The following UNC5D variants were observed in gnomAD, a reference collection of about 807,000 sequenced individuals.
The protein encoded by UNC5D is netrin receptor UNC5D.
A neutral mutation model predicts 105.4 loss-of-function variants in UNC5D; 39 were observed. The observed-to-expected ratio is 0.37, with a 90% CI of 0.29 to 0.48. The LOEUF (loss-of-function observed/expected upper bound fraction) is 0.48, where lower values mean the gene tolerates loss of function less well. Among genes scored for constraint, UNC5D ranks in the 20% least tolerant of loss-of-function variants. The probability of loss-of-function intolerance (pLI) is 0.98; values close to 1 mark genes in which losing one functional copy is unlikely to be tolerated. For synonymous variants in UNC5D, 452 were observed against 450.4 expected, an observed-to-expected ratio of 1.00 and a Z score of -0.04; for missense variants, 991 against 1,202.4, an observed-to-expected ratio of 0.82 and a Z score of 2.60.
At chr8:35,236,151 C>T (rs938054211) in intron 1 of UNC5D, among the ~76,000 whole-genome samples, 1 of 152,188 alleles carries the variant, frequency 6.6e-6, no homozygotes, top group African/African-American at 2.4e-5. Context: ...CTCCATTTTC[C>T]AAGCCCTCCC....
intron 1 of UNC5D, among the ~76,000 whole-genome samples, chr8:35,307,505 C>G (rs573395194): frequency 1.4e-4 from 22 of 152,200 alleles, no homozygotes; most frequent in African/African-American, 4.1e-4. Flanking sequence ...ACTAATGGGA[C>G]AGTGAGAAGA....
intron 1 of UNC5D, among the ~76,000 whole-genome samples, chr8:35,359,237 G>A (rs16883866): frequency 0.064 from 9,748 of 152,272 alleles, 617 homozygotes; most frequent in East Asian, 0.35. Context: ...ATTTTGCTGT[G>A]TGTTCTTGTT....
intron 2 of UNC5D, among the ~76,000 whole-genome samples, chr8:35,551,766 C>T (rs952353527): frequency 6.6e-6 from 1 of 150,750 alleles, no homozygotes; most frequent in Non-Finnish European, 1.5e-5. Context: ...TGCAGTGAGC[C>T]AAGATCATGC....
At chr8:35,539,905 G>T (rs1815145427) in intron 1 of UNC5D, among the ~76,000 whole-genome samples, 1 of 152,070 alleles carries the variant, frequency 6.6e-6, no homozygotes, top group African/African-American at 2.4e-5. Flanking sequence ...GAAAATACTT[G>T]CTGTATTAGT....
At chr8:35,556,323 G>T (rs891099202) in intron 2 of UNC5D, among the ~76,000 whole-genome samples, 2 of 152,066 alleles carry the variant, frequency 1.3e-5, no homozygotes, top group Non-Finnish European at 2.9e-5. Context: ...GTAAATATTT[G>T]CCCTTTCTAG....
intron 9 of UNC5D, 68 bp from the exon 10 acceptor site, chr8:35,726,084 G>A: frequency 6.5e-7 from 1 of 1,534,258 alleles, no homozygotes; most frequent in South Asian, 1.3e-5. Context: ...AGTTTGCAGA[G>A]GCAGAAGTAC....
At chr8:35,567,374 G>A (rs566207347) in intron 2 of UNC5D, among the ~76,000 whole-genome samples, 1 of 152,104 alleles carries the variant, frequency 6.6e-6, no homozygotes, top group Non-Finnish European at 1.5e-5. Context: ...ATCACATGTG[G>A]CTGGGCACGG....
intron 1 of UNC5D, among the ~76,000 whole-genome samples, chr8:35,252,724 C>T (rs370484784): frequency 3.3e-5 from 5 of 152,120 alleles, no homozygotes; most frequent in East Asian, 3.9e-4. Context: ...TAGGAACATT[C>T]GTGTATGTGT....
At chr8:35,581,204 T>C (rs181420947) in intron 3 of UNC5D, among the ~76,000 whole-genome samples, 1 of 152,260 alleles carries the variant, frequency 6.6e-6, no homozygotes, top group East Asian at 1.9e-4. Context: ...TTCCCACCTG[T>C]AAATATTGTA....
intron 4 of UNC5D, among the ~76,000 whole-genome samples, chr8:35,608,321 C>A (rs1820447848): frequency 6.6e-6 from 1 of 152,024 alleles, no homozygotes; most frequent in African/African-American, 2.4e-5. Context: ...GGGGCAAAAG[C>A]CTTGTTTTAT....
intron 1 of UNC5D, among the ~76,000 whole-genome samples, chr8:35,367,033 C>A (rs1258227065): frequency 6.6e-6 from 1 of 152,158 alleles, no homozygotes; most frequent in East Asian, 1.9e-4. Flanking sequence ...GAAGTAACAA[C>A]AGGCTGCAGA....
intron 1 of UNC5D, among the ~76,000 whole-genome samples, chr8:35,460,630 A>G (rs374736882): frequency 3.9e-4 from 60 of 152,322 alleles, no homozygotes; most frequent in South Asian, 1.2e-3. Flanking sequence ...TCACTCCTAC[A>G]TCTTTTACTC....
chr8:35,445,263 G>A (rs1807696442), intron 1 of UNC5D, among the ~76,000 whole-genome samples: 1 of 151,946 alleles, frequency 6.6e-6, no homozygotes, highest in Non-Finnish European at 1.5e-5. Flanking sequence ...TCAAGATTCT[G>A]AAAGACTTTG....
chr8:35,384,876 C>A (rs1312493141), intron 1 of UNC5D, among the ~76,000 whole-genome samples: 2 of 152,110 alleles, frequency 1.3e-5, no homozygotes, highest in Non-Finnish European at 2.9e-5. Context: ...GTCTAGGCAC[C>A]CCAGAAGTTG....
At chr8:35,622,855 C>T (rs1821442158) in intron 4 of UNC5D, among the ~76,000 whole-genome samples, 1 of 152,122 alleles carries the variant, frequency 6.6e-6, no homozygotes, top group Non-Finnish European at 1.5e-5. Flanking sequence ...TCCTACTTAG[C>T]CTGTAATAGC....
intron 1 of UNC5D, among the ~76,000 whole-genome samples, chr8:35,290,580 G>T (rs1394267918): frequency 6.6e-6 from 1 of 152,020 alleles, no homozygotes; most frequent in Non-Finnish European, 1.5e-5. Flanking sequence ...GCATAGCAAG[G>T]CATCTATAGT....
chr8:35,362,312 C>T (rs563413584), intron 1 of UNC5D, among the ~76,000 whole-genome samples: 1 of 152,252 alleles, frequency 6.6e-6, no homozygotes, highest in African/African-American at 2.4e-5. Flanking sequence ...AATGGATTTT[C>T]CTTTTTGCAA....
At chr8:35,719,101 A>G (rs1292442548) in intron 8 of UNC5D, among the ~76,000 whole-genome samples, 3 of 147,624 alleles carry the variant, frequency 2.0e-5, no homozygotes, top group African/African-American at 5.0e-5. Flanking sequence ...TGTGCGTGTG[A>G]TGATTCTTCA....
At chr8:35,703,904 T>C (rs1042519547) in intron 7 of UNC5D, among the ~76,000 whole-genome samples, 2 of 152,202 alleles carry the variant, frequency 1.3e-5, no homozygotes, top group African/African-American at 4.8e-5. Context: ...AAGCAAAAAC[T>C]GAGGTTAGCT....
Sources: allele counts gnomAD v4.1 joint callset (sites outside exome capture counted in the v4.1 genomes callset), GRCh38; gene constraint gnomAD v4.1.1; transcripts MANE v1.5; gene names NCBI Gene and HGNC (gene_info 2026-07-23, HGNC 2026-07-21).